RUNX1: variants seen among roughly 807,000 people sequenced by gnomAD.
RUNX1 encodes the protein runt-related transcription factor 1.
Under a neutral mutation model 42.8 loss-of-function variants are expected in RUNX1, and 19 were observed. The observed-to-expected ratio is 0.44, with a 90% CI of 0.31 to 0.65. The LOEUF (loss-of-function observed/expected upper bound fraction) is 0.65, where lower values mean the gene tolerates loss of function less well. Ranked by LOEUF, RUNX1 falls within the 30% of genes least tolerant of loss-of-function variation. RUNX1 has a pLI of 0.07. For synonymous variants in RUNX1, 271 were observed against 289.4 expected (o/e 0.94, Z 0.64); for missense variants, 528 against 672.0 (o/e 0.79, Z 2.37).
chr21:35,025,243 G>A (rs1411833056), intron 2 of RUNX1, among the ~76,000 whole-genome samples: 1 of 152,204 alleles, frequency 6.6e-6, no homozygotes, highest in Non-Finnish European at 1.5e-5. Context: ...TTATAAATGA[G>A]AAAGAAGTCC....
intron 6 of RUNX1, among the ~76,000 whole-genome samples, chr21:34,834,821 T>C (rs1297793420): frequency 6.6e-6 from 1 of 151,630 alleles, no homozygotes; most frequent in Non-Finnish European, 1.5e-5. Context: ...GGCCACAGAG[T>C]GCTCCCCCAG....
intron 7 of RUNX1, chr21:34,821,241 C>G: frequency 9.5e-7 from 1 of 1,050,016 alleles, no homozygotes; most frequent in Non-Finnish European, 1.2e-6. Context: ...ACTGGTGATA[C>G]AACAATGCCG....
chr21:34,930,394 A>G (rs536823785), intron 2 of RUNX1, among the ~76,000 whole-genome samples: 1 of 151,060 alleles, frequency 6.6e-6, no homozygotes, highest in African/African-American at 2.4e-5. Context: ...GGGATGGCCA[A>G]ATAAGGTTTA....
At position 34,909,134 on chromosome 21, in the gene RUNX1, G is replaced by A. The variant is rs566338153; in HGVS notation, c.59-16171C>T. On this transcript the variant is annotated intron_variant, in intron 2 of 8. Coordinates refer to ENST00000675419, the MANE Select transcript of RUNX1 (RefSeq NM_001754.5). ...CCGCATTGCAGGTAGGGCTAATTTC[G>A]GGGTCTGATCCGTGTGGCTCCCCAT... Among the ~76,000 whole-genome samples the A allele has an allele frequency of 2.1e-3, 320 of 152,124 alleles. 3 individuals carry two copies. Among genetic ancestry groups the A allele is most frequent in the African/African-American group, 7.3e-3 (303 of 41,490 alleles).
intron 2 of RUNX1, among the ~76,000 whole-genome samples, chr21:34,903,083 A>C (rs767782420): frequency 7.2e-5 from 11 of 152,204 alleles, no homozygotes; most frequent in Non-Finnish European, 1.3e-4. Context: ...TACACATAAA[A>C]ATAACTCTGA....
chr21:34,935,383 A>AT (rs1201336342), intron 2 of RUNX1, among the ~76,000 whole-genome samples: 2 of 152,138 alleles, frequency 1.3e-5, no homozygotes, highest in African/African-American at 2.4e-5. Flanking sequence ...TTAGTTTCTG[A>AT]TTTTTTACAC....
intron 2 of RUNX1, among the ~76,000 whole-genome samples, chr21:34,944,891 A>G (rs2058553569): frequency 6.6e-6 from 1 of 152,254 alleles, no homozygotes; most frequent in Non-Finnish European, 1.5e-5. Flanking sequence ...CTTGTTTAAC[A>G]GATGGCTTCT....
In RUNX1 at chr21:34,894,130, G is replaced by A. The variant is rs556393251; in HGVS notation, c.59-1167C>T. Among the ~76,000 whole-genome samples the A allele has an allele frequency of 9.2e-5, 14 of 152,286 alleles. No homozygotes were observed. The East Asian group carries it at 1.2e-3, about 13-fold the overall frequency. ...AATAATAAATGTATCCTGAAGTTAC[G>A]TCAGCTCAGCTTTAATAGGTGTTGG... is the stretch of plus-strand genomic sequence containing the variant. On this transcript the variant is annotated intron_variant, in intron 2 of 8. Coordinates refer to ENST00000675419, the MANE Select transcript of RUNX1 (RefSeq NM_001754.5).
chr21:34,864,484 G>A (rs1394466477), intron 5 of RUNX1, among the ~76,000 whole-genome samples: 19 of 152,304 alleles, frequency 1.2e-4, no homozygotes, highest in Admixed American at 1.2e-3. Flanking sequence ...CAGCCTGGAG[G>A]ATCCAAGGCT....
chr21:34,827,096 T>C (rs1356199642), intron 7 of RUNX1, among the ~76,000 whole-genome samples: 1 of 152,192 alleles, frequency 6.6e-6, no homozygotes, highest in Non-Finnish European at 1.5e-5. Flanking sequence ...GCCATTCTGA[T>C]GAGGCTGCAG....
chr21:34,889,804 G>A (rs2146437707), intron 3 of RUNX1: 1 of 1,129,160 alleles, frequency 8.9e-7, no homozygotes, highest in South Asian at 2.5e-5. Flanking sequence ...CCCGCCCGGC[G>A]GGGCTCCCTC....
intron 2 of RUNX1, among the ~76,000 whole-genome samples, chr21:34,936,025 G>A (rs532740769): frequency 3.3e-5 from 5 of 152,276 alleles, no homozygotes; most frequent in South Asian, 4.1e-4. Context: ...AGAATTCGGA[G>A]TTTACTTTCA....
intron 7 of RUNX1, among the ~76,000 whole-genome samples, chr21:34,806,672 C>T (rs2056684687): frequency 6.6e-6 from 1 of 152,266 alleles, no homozygotes; most frequent in East Asian, 1.9e-4. Flanking sequence ...CAGCAGAATA[C>T]ACATTCTTCA....
intron 2 of RUNX1, among the ~76,000 whole-genome samples, chr21:34,978,927 C>T (rs1351263918): frequency 7.3e-6 from 1 of 137,326 alleles, no homozygotes; most frequent in Admixed American, 8.0e-5. Flanking sequence ...AGACAAAACA[C>T]ACACACAGAT....
intron 7 of RUNX1, chr21:34,833,883 G>T: frequency 4.0e-6 from 1 of 250,708 alleles, no homozygotes; most frequent in Non-Finnish European, 8.1e-6. Context: ...CTATTGATTT[G>T]CAAATAACAC....
Position 34,825,655 on chromosome 21 carries a change from CCT to C in RUNX1, c.805+8753_805+8754del, listed in dbSNP as rs1444157986. ...GTGCCTGGTCAATGGTCTGATGTCC[CCT>C]GTCTTTTGTACAAAGATACAGCAGT... On this transcript the variant is annotated intron_variant, in intron 7 of 8. Coordinates refer to ENST00000675419, the MANE Select transcript of RUNX1 (RefSeq NM_001754.5). 5.9e-5 allele frequency among the ~76,000 whole-genome samples: 9 copies of C among 152,138 alleles called. No homozygotes were observed. In the East Asian group the frequency reaches 1.2e-3, roughly 20 times the overall value.
intron 2 of RUNX1, among the ~76,000 whole-genome samples, chr21:34,968,901 T>C (rs1395545094): frequency 3.3e-5 from 5 of 152,200 alleles, no homozygotes; most frequent in East Asian, 3.8e-4. Flanking sequence ...TGGTTCTACA[T>C]GTAGCTAAAA....
At chr21:34,943,663 C>A (rs905098433) in intron 2 of RUNX1, among the ~76,000 whole-genome samples, 1 of 152,084 alleles carries the variant, frequency 6.6e-6, no homozygotes, top group Non-Finnish European at 1.5e-5. Context: ...TGTTTTTTCA[C>A]CCCCTAAAGA....
intron 2 of RUNX1, among the ~76,000 whole-genome samples, chr21:35,033,081 TTCTA>T (rs1444389425): frequency 2.6e-5 from 4 of 152,268 alleles, no homozygotes; most frequent in South Asian, 4.1e-4. Flanking sequence ...CCATTCATCC[TTCTA>T]TCTATCCATC....
Sources: allele counts gnomAD v4.1 joint callset (sites outside exome capture counted in the v4.1 genomes callset), GRCh38; gene constraint gnomAD v4.1.1; transcripts MANE v1.5; gene names NCBI Gene and HGNC (gene_info 2026-07-23, HGNC 2026-07-21).